Variants in ARMC8 observed in about 807,000 individuals in gnomAD.
ARMC8 encodes armadillo repeat-containing protein 8.
Under a neutral mutation model 99.3 loss-of-function variants are expected in ARMC8, and 20 were observed. The ratio of observed to expected loss-of-function variants is 0.20; its 90% confidence interval spans 0.14 to 0.29. ARMC8 has a LOEUF of 0.29. ARMC8 is among the 10% of genes least tolerant of loss of function. The pLI is 1.00. For missense variants in ARMC8, 569 were observed against 809.5 expected, an observed-to-expected ratio of 0.70 and a Z score of 3.60; for synonymous variants, 263 against 278.3, an observed-to-expected ratio of 0.95 and a Z score of 0.55.
intron 5 of ARMC8, among the ~76,000 whole-genome samples, chr3:138,227,322 G>A (rs2045747107): frequency 6.6e-6 from 1 of 152,162 alleles, no homozygotes; most frequent in Non-Finnish European, 1.5e-5. Flanking sequence ...GAAGGAGGTG[G>A]AAATAGCTTT....
chr3:138,191,110 C>CT (rs2043356291), intron 1 of ARMC8, among the ~76,000 whole-genome samples: 1 of 152,122 alleles, frequency 6.6e-6, no homozygotes, highest in African/African-American at 2.4e-5. Context: ...TAATAATACT[C>CT]TATCTTGTCG....
chr3:138,279,090 T>G (rs370267567), intron 18 of ARMC8, among the ~76,000 whole-genome samples: 3 of 152,234 alleles, frequency 2.0e-5, no homozygotes, highest in Non-Finnish European at 4.4e-5. Context: ...TTTGTTTTGT[T>G]CCCAATATTA....
At chr3:138,254,565 T>A (rs967721113) in intron 12 of ARMC8, among the ~76,000 whole-genome samples, 2 of 152,248 alleles carry the variant, frequency 1.3e-5, no homozygotes, top group Admixed American at 1.3e-4. Flanking sequence ...TATTTATGTG[T>A]TAAAAGAGTG....
At chr3:138,268,425 A>G (rs1235971691) in intron 15 of ARMC8, among the ~76,000 whole-genome samples, 4 of 152,286 alleles carry the variant, frequency 2.6e-5, no homozygotes, top group African/African-American at 4.8e-5. Flanking sequence ...ATGATAATCC[A>G]GTCACAGCTG....
chr3:138,190,546 C>T (rs1458028557), intron 1 of ARMC8, among the ~76,000 whole-genome samples: 1 of 152,080 alleles, frequency 6.6e-6, no homozygotes, highest in Non-Finnish European at 1.5e-5. Flanking sequence ...ACCTTGGCCT[C>T]CCAAAGTGCT....
intron 20 of ARMC8, 75 bp downstream of exon 20, chr3:138,289,195 CCTG>C: frequency 8.7e-7 from 1 of 1,154,242 alleles, no homozygotes. Context: ...AGCAGGTGCC[CCTG>C]AGATCCTGGG....
chr3:138,229,178 A>ATATATATATATATATATATATATATG (rs1576686064), intron 6 of ARMC8, 168 bp downstream of exon 6: 1 of 32,100 alleles, frequency 3.1e-5, no homozygotes, highest in Non-Finnish European at 6.4e-5. Context: ...ATATATATAT[A>ATATATATATATATATATATATATATG]TATATGTATA....
intron 1 of ARMC8, among the ~76,000 whole-genome samples, chr3:138,208,205 T>C (rs1228395462): frequency 6.6e-6 from 1 of 152,100 alleles, no homozygotes; most frequent in Non-Finnish European, 1.5e-5. Flanking sequence ...CAGTGGCTCA[T>C]GCCTGTAATC....
At chr3:138,290,690 G>T (rs376337263) in intron 21 of ARMC8, 51 bp downstream of exon 21, 2 of 1,263,776 alleles carry the variant, frequency 1.6e-6, no homozygotes, top group African/African-American at 1.5e-5. Context: ...GGATTCTTTC[G>T]TGAAAGGGTT....
rs1317101425 is a variant in ARMC8, at chr3:138,295,924, C to T, written c.*32C>T. 6.2e-7 allele frequency: 1 copy of T among 1,610,784 alleles called. No homozygotes were observed. The highest frequency in any genetic ancestry group is 8.5e-7 in the Non-Finnish European group (1 of 1,178,136). On this transcript the variant is annotated 3_prime_UTR_variant, in exon 22 of 22. Coordinates refer to ENST00000469044, the MANE Select transcript of ARMC8 (RefSeq NM_001363941.2). ...TGCCCCTGGGCACCTGCGAGCATCC[C>T]ACCTCCTTGTTTAAGGAAGTACAGG...
intron 12 of ARMC8, among the ~76,000 whole-genome samples, chr3:138,250,173 A>G (rs1365086168): frequency 6.6e-6 from 1 of 152,168 alleles, no homozygotes; most frequent in Admixed American, 6.5e-5. Context: ...TTTGTCTTCT[A>G]TCCTCTTTTT....
At chr3:138,232,015 G>A in intron 6 of ARMC8, among the ~76,000 whole-genome samples, 1 of 111,288 alleles carries the variant, frequency 9.0e-6, no homozygotes, top group Non-Finnish European at 1.7e-5. Flanking sequence ...CTGTCTTCCA[G>A]GCTAGAGTGT....
At chr3:138,266,081 A>G (rs937379875) in intron 14 of ARMC8, among the ~76,000 whole-genome samples, 3 of 152,164 alleles carry the variant, frequency 2.0e-5, no homozygotes, top group Admixed American at 1.3e-4. Flanking sequence ...TTCTTTAACA[A>G]CTTATTTTCA....
intron 2 of ARMC8, among the ~76,000 whole-genome samples, chr3:138,216,871 C>T (rs751560331): frequency 3.3e-5 from 5 of 151,760 alleles, no homozygotes; most frequent in Non-Finnish European, 7.4e-5. Flanking sequence ...AATACTGGTT[C>T]AAAATAAATA....
chr3:138,190,084 C>T (rs2043290519), intron 1 of ARMC8, among the ~76,000 whole-genome samples: 1 of 152,108 alleles, frequency 6.6e-6, no homozygotes, highest in African/African-American at 2.4e-5. Flanking sequence ...TTTGTGCCTG[C>T]ACTACCACAG....
At chr3:138,221,605 A>G (rs1437562767) in intron 2 of ARMC8, among the ~76,000 whole-genome samples, 1 of 151,974 alleles carries the variant, frequency 6.6e-6, no homozygotes, top group African/African-American at 2.4e-5. Context: ...CTCACTCCCT[A>G]CTCTTAGAGC....
intron 12 of ARMC8, among the ~76,000 whole-genome samples, chr3:138,248,804 T>G (rs1017057093): frequency 3.3e-5 from 5 of 152,222 alleles, no homozygotes; most frequent in African/African-American, 1.2e-4. Flanking sequence ...AAGTGTAAAT[T>G]AAAATTCAAG....
chr3:138,289,169 C>T, intron 20 of ARMC8, 49 bp downstream of exon 20: 1 of 1,456,610 alleles, frequency 6.9e-7, no homozygotes, highest in Middle Eastern at 1.8e-4. Context: ...GGAAGAGTGT[C>T]TTGCACAGGG....
chr3:138,292,334 C>T (rs1378139151), intron 21 of ARMC8, among the ~76,000 whole-genome samples: 4 of 152,224 alleles, frequency 2.6e-5, no homozygotes, highest in South Asian at 2.1e-4. Context: ...GCCACCACGC[C>T]GGGCCCTGAT....
Sources: allele counts gnomAD v4.1 joint callset (sites outside exome capture counted in the v4.1 genomes callset), GRCh38; gene constraint gnomAD v4.1.1; transcripts MANE v1.5; gene names NCBI Gene and HGNC (gene_info 2026-07-23, HGNC 2026-07-21).